The following CSMD1 variants were observed in gnomAD, a reference collection of about 807,000 sequenced individuals.
CSMD1 encodes the protein CUB and Sushi multiple domains 1.
CSMD1 carries 213 observed loss-of-function variants against 417.5 expected under a neutral mutation model. That is an observed-to-expected ratio of 0.51 (90% CI 0.46 to 0.57). CSMD1 has a LOEUF of 0.57. Among genes scored for constraint, CSMD1 ranks in the 20% least tolerant of loss-of-function variants. The probability of loss-of-function intolerance (pLI) is 0.00; values close to 1 mark genes in which losing one functional copy is unlikely to be tolerated. For missense variants in CSMD1, 6,923 were observed against 4,529.7 expected, an observed-to-expected ratio of 1.53 and a Z score of -15.17; for synonymous variants, 2,862 against 1,736.8, an observed-to-expected ratio of 1.65 and a Z score of -16.11.
At chr8:3,819,780 A>G (rs1801617599) in intron 5 of CSMD1, among the ~76,000 whole-genome samples, 1 of 152,138 alleles carries the variant, frequency 6.6e-6, no homozygotes, top group African/African-American at 2.4e-5. Flanking sequence ...ATAGAGATGT[A>G]AGCAATCCTT....
At chr8:3,569,710 T>C (rs1372486444) in intron 10 of CSMD1, among the ~76,000 whole-genome samples, 1 of 152,170 alleles carries the variant, frequency 6.6e-6, no homozygotes, top group Non-Finnish European at 1.5e-5. Flanking sequence ...ACCCACTTAC[T>C]TGGAATGTCT....
chr8:4,109,649 G>T (rs757727633), intron 3 of CSMD1, among the ~76,000 whole-genome samples: 1 of 152,244 alleles, frequency 6.6e-6, no homozygotes, highest in Admixed American at 6.5e-5. Context: ...TGGCAACCTT[G>T]TAAGTTTGTT....
At chr8:3,730,963 G>C (rs904068998) in intron 6 of CSMD1, among the ~76,000 whole-genome samples, 2 of 152,028 alleles carry the variant, frequency 1.3e-5, no homozygotes, top group Admixed American at 1.3e-4. Flanking sequence ...TATTTTAGTG[G>C]GGAAAATTTA....
At chr8:3,481,705 G>T (rs1817758917) in intron 11 of CSMD1, among the ~76,000 whole-genome samples, 1 of 152,114 alleles carries the variant, frequency 6.6e-6, no homozygotes, top group South Asian at 2.1e-4. Flanking sequence ...CAGAGAAGAT[G>T]GTCTCGTGAC....
intron 2 of CSMD1, among the ~76,000 whole-genome samples, chr8:4,463,315 T>G (rs1167225654): frequency 6.6e-6 from 1 of 152,180 alleles, no homozygotes; most frequent in Non-Finnish European, 1.5e-5. Context: ...TATGGGTGTT[T>G]CACTTCCCTA....
In CSMD1 at chr8:4,889,783, T is replaced by C. The variant is rs763873556; in HGVS notation, c.85+104549A>G. 4.5e-4 allele frequency among the ~76,000 whole-genome samples: 69 copies of C among 152,244 alleles called. 1 individual carries two copies. The highest frequency in any genetic ancestry group is 3.4e-3 in the Middle Eastern group (1 of 294). On this transcript the variant is annotated intron_variant, in intron 1 of 69. Transcript: ENST00000635120. ...TTATGTATTCTTCCTAGAACACTAA[T>C]AGTGAGGGCCTACTATGTTGAAACT...
At chr8:4,551,806 G>C (rs1797883007) in intron 2 of CSMD1, among the ~76,000 whole-genome samples, 1 of 151,794 alleles carries the variant, frequency 6.6e-6, no homozygotes, top group African/African-American at 2.4e-5. Context: ...AGCCTCCCTA[G>C]TAGCTGGGAT....
chr8:3,573,132 C>T (rs1800011110), intron 10 of CSMD1, among the ~76,000 whole-genome samples: 1 of 152,082 alleles, frequency 6.6e-6, no homozygotes, highest in African/African-American at 2.4e-5. Context: ...TTCTGTTACA[C>T]TACCAGTATT....
intron 40 of CSMD1, among the ~76,000 whole-genome samples, chr8:3,145,091 G>A (rs1486727776): frequency 1.3e-5 from 2 of 152,132 alleles, no homozygotes; most frequent in African/African-American, 2.4e-5. Context: ...GTGTGCACGT[G>A]TGTTTGTGTG....
chr8:2,974,602 C>A lies in CSMD1; in HGVS notation c.8589G>T (p.Gly2863=), dbSNP rs778171999. The change falls in exon 56 of 70, where the codon GGG becomes GGT. Residue 2863 remains glycine (G), a synonymous_variant. Transcript: ENST00000635120. ...CAGTGAGGACGGCGTTGGCAGGGAC[C>A]CCTGGGTGTCCACACGATATAGCTT... ...KCLAISCGHP[G]VPANAVLTGE... 21 of 1,608,490 alleles carry A rather than the reference C, an allele frequency of 1.3e-5. No homozygotes were observed. Among genetic ancestry groups the A allele is most frequent in the East Asian group, 2.2e-5 (1 of 44,652 alleles).
chr8:3,542,565 G>C (rs752623288), intron 10 of CSMD1, among the ~76,000 whole-genome samples: 2 of 152,186 alleles, frequency 1.3e-5, no homozygotes, highest in East Asian at 1.9e-4. Context: ...CAGGGTTATA[G>C]ACAGGAAAGA....
rs141285353 is a variant in CSMD1 at position 4,296,151 on chromosome 8, T to A, written c.415+123802A>T. 4.8e-3 allele frequency among the ~76,000 whole-genome samples: 732 copies of A among 152,138 alleles called. 11 individuals carry two copies. Among genetic ancestry groups the A allele is most frequent in the African/African-American group, 0.017 (693 of 41,520 alleles). ...CAATAAGAAGCGAAAATGGAAGGTGTGGTCAAACTATGCTCAGGGTCTCCC... is the reference window on the plus strand; with the variant it reads ...CAATAAGAAGCGAAAATGGAAGGTGAGGTCAAACTATGCTCAGGGTCTCCC... On this transcript the variant is annotated intron_variant, in intron 3 of 69. Transcript: ENST00000635120.
At chr8:4,542,428 G>GT (rs1797434099) in intron 2 of CSMD1, among the ~76,000 whole-genome samples, 1 of 152,088 alleles carries the variant, frequency 6.6e-6, no homozygotes. Flanking sequence ...AGACACTGAC[G>GT]TTTTATAGAA....
At chr8:4,921,175 G>A (rs933311863) in intron 1 of CSMD1, among the ~76,000 whole-genome samples, 5 of 151,972 alleles carry the variant, frequency 3.3e-5, no homozygotes, top group African/African-American at 9.7e-5. Flanking sequence ...GTGATTTAGG[G>A]TCAGAAACAG....
intron 1 of CSMD1, among the ~76,000 whole-genome samples, chr8:4,697,149 G>A (rs1265382758): frequency 6.6e-6 from 1 of 152,042 alleles, no homozygotes; most frequent in East Asian, 1.9e-4. Context: ...TACAGCCTGG[G>A]CAACAGAATG....
chr8:3,950,149 C>G (rs904414803), intron 5 of CSMD1, among the ~76,000 whole-genome samples: 3 of 152,126 alleles, frequency 2.0e-5, no homozygotes, highest in Non-Finnish European at 4.4e-5. Context: ...TATACACCAG[C>G]TGACTTACAG....
intron 1 of CSMD1, among the ~76,000 whole-genome samples, chr8:4,761,955 CTATCTAT>C (rs1812136536): frequency 2.0e-5 from 3 of 148,386 alleles, no homozygotes; most frequent in African/African-American, 7.4e-5. Context: ...ATCTATCTAT[CTATCTAT>C]CTAGATTCCC....
chr8:3,582,073 G>A (rs1217475042), intron 9 of CSMD1, among the ~76,000 whole-genome samples: 2 of 152,128 alleles, frequency 1.3e-5, no homozygotes, highest in African/African-American at 4.8e-5. Flanking sequence ...GGGATTACAG[G>A]CGTGAGCCAC....
chr8:4,700,690 A>G (rs1366115385), intron 1 of CSMD1, among the ~76,000 whole-genome samples: 1 of 152,234 alleles, frequency 6.6e-6, no homozygotes, highest in Non-Finnish European at 1.5e-5. Context: ...TTCTACCTGT[A>G]TATGATATTC....
Sources: allele counts gnomAD v4.1 joint callset (sites outside exome capture counted in the v4.1 genomes callset), GRCh38; gene constraint gnomAD v4.1.1; transcripts MANE v1.5; gene names NCBI Gene and HGNC (gene_info 2026-07-23, HGNC 2026-07-21).